TMEM132D: variants seen among roughly 807,000 people sequenced by gnomAD.
TMEM132D encodes the protein transmembrane protein 132D.
In TMEM132D, 21 loss-of-function variants were observed where a neutral mutation model predicts 62.3. The ratio of observed to expected loss-of-function variants is 0.34; its 90% CI spans 0.24 to 0.49. The LOEUF (loss-of-function observed/expected upper bound fraction) is 0.49, where lower values mean the gene tolerates loss of function less well. Among genes scored for constraint, TMEM132D ranks in the 20% least tolerant of loss-of-function variants. The pLI, the probability that TMEM132D is intolerant of heterozygous loss-of-function variation, is 0.99. For synonymous variants in TMEM132D, 621 were observed against 575.6 expected, an observed-to-expected ratio of 1.08 and a Z score of -1.13; for missense variants, 1,346 against 1,402.8, an observed-to-expected ratio of 0.96 and a Z score of 0.65.
chr12:129,185,761 A>ATCTGTCTGTCTGTCTGTCTGTCTG (rs11271238), intron 5 of TMEM132D, among the ~76,000 whole-genome samples: 69 of 140,890 alleles, frequency 4.9e-4, no homozygotes, highest in South Asian at 2.4e-3. Flanking sequence ...TTTATCCATC[A>ATCTGTCTGTCTGTCTGTCTGTCTG]TCTGTCTGTC....
intron 5 of TMEM132D, chr12:129,208,512 A>G (rs984519265): frequency 6.6e-6 from 1 of 152,188 alleles, no homozygotes; most frequent in African/African-American, 2.4e-5. Flanking sequence ...CCTAGCACTT[A>G]GTGGGGATTT....
chr12:129,544,097 C>G (rs1238750949), intron 2 of TMEM132D, among the ~76,000 whole-genome samples: 1 of 152,126 alleles, frequency 6.6e-6, no homozygotes, highest in Non-Finnish European at 1.5e-5. Flanking sequence ...CGTTTATATC[C>G]ACTGACAGTG....
rs1163907395 is a variant in TMEM132D at position 129,371,281 on chromosome 12, TGAC to T, written c.1116-33467_1116-33465del. ...ATGATGATGATGAAGGTGGTGTTGG[TGAC>T]GATGATGATGATGATGGAGATAATG... is the stretch of plus-strand genomic sequence containing the variant. On this transcript the variant is annotated intron_variant, in intron 3 of 8. Coordinates refer to ENST00000422113, the MANE Select transcript of TMEM132D (RefSeq NM_133448.3). The surrounding 1 kb of genome is among the most constrained non-coding windows in gnomAD (Gnocchi z 4.3). Among the ~76,000 whole-genome samples, 7 of 151,760 alleles carry T rather than the reference TGAC, an allele frequency of 4.6e-5. No homozygotes were observed. The highest frequency in any genetic ancestry group is 2.1e-4 in the South Asian group (1 of 4,772).
At chr12:129,167,670 CTG>C (rs1877605898) in intron 5 of TMEM132D, among the ~76,000 whole-genome samples, 1 of 152,022 alleles carries the variant, frequency 6.6e-6, no homozygotes, top group African/African-American at 2.4e-5. Context: ...CCTTCTGACA[CTG>C]TGGAATTGGC....
At chr12:129,483,283 T>C (rs1874483133) in intron 3 of TMEM132D, among the ~76,000 whole-genome samples, 1 of 152,202 alleles carries the variant, frequency 6.6e-6, no homozygotes, top group Non-Finnish European at 1.5e-5. Context: ...GGGCTTCCTA[T>C]TAGAAGCTTC....
At position 129,430,996 on chromosome 12, in the gene TMEM132D, TATCA is replaced by T. The variant is rs1872639967; in HGVS notation, c.1116-93183_1116-93180del. ...GGAGGGAATCTGCTCTATGATTAAA[TATCA>T]ATCACAGTCAGCTGAGGCCCATTGG... is the stretch of plus-strand genomic sequence containing the variant. On this transcript the variant is annotated intron_variant, in intron 3 of 8. Transcript: ENST00000422113. Among the ~76,000 whole-genome samples the T allele has an allele frequency of 2.0e-5, 3 of 152,288 alleles. No homozygotes were observed. In the South Asian group the frequency reaches 6.2e-4, roughly 32 times the overall value.
At chr12:129,085,267 G>A (rs769356941) in intron 5 of TMEM132D, 21 of 154,334 alleles carry the variant, frequency 1.4e-4, no homozygotes, top group African/African-American at 4.6e-4. Flanking sequence ...TGTATCCTGA[G>A]AACGTCCTCA....
chr12:129,076,556 T>C (rs541438163), intron 8 of TMEM132D, among the ~76,000 whole-genome samples: 12 of 152,216 alleles, frequency 7.9e-5, no homozygotes, highest in Admixed American at 4.6e-4. Context: ...GAAATACTTA[T>C]TCTGTTAGAC....
intron 3 of TMEM132D, among the ~76,000 whole-genome samples, chr12:129,346,043 A>T (rs1191403458): frequency 1.3e-5 from 2 of 152,142 alleles, no homozygotes; most frequent in African/African-American, 2.4e-5. Context: ...CTCTGGTAAA[A>T]TTCGGCTGTG....
chr12:129,644,850 G>A (rs1011668845), intron 2 of TMEM132D, among the ~76,000 whole-genome samples: 10 of 150,028 alleles, frequency 6.7e-5, no homozygotes, highest in African/African-American at 2.2e-4. Flanking sequence ...GCCCAGCGTC[G>A]TGGCGGGTGC....
At chr12:129,644,204 C>T (rs2137177391) in intron 2 of TMEM132D, among the ~76,000 whole-genome samples, 1 of 152,218 alleles carries the variant, frequency 6.6e-6, no homozygotes, top group Middle Eastern at 3.4e-3. Context: ...GCCCCAACCA[C>T]CTTGGGCATA....
chr12:129,243,270 T>C, intron 4 of TMEM132D, among the ~76,000 whole-genome samples: 1 of 152,230 alleles, frequency 6.6e-6, no homozygotes, highest in East Asian at 1.9e-4. Context: ...CGTTTCATTA[T>C]TCATTGTAGT....
chr12:129,451,922 C>A (rs752216530), intron 3 of TMEM132D, among the ~76,000 whole-genome samples: 3 of 152,170 alleles, frequency 2.0e-5, no homozygotes, highest in Admixed American at 6.5e-5. Context: ...ATTGCTACCT[C>A]TTACAGTGAG....
chr12:129,559,897 C>T (rs155711), intron 2 of TMEM132D, among the ~76,000 whole-genome samples: 43,245 of 152,056 alleles, frequency 0.28, 6,304 homozygotes, highest in East Asian at 0.39. Flanking sequence ...ATGGAGAAAA[C>T]CCCCTGGGAA....
intron 4 of TMEM132D, among the ~76,000 whole-genome samples, chr12:129,232,230 C>T (rs1879662119): frequency 6.6e-6 from 1 of 152,138 alleles, no homozygotes; most frequent in Admixed American, 6.5e-5. Context: ...AAAATGGTCA[C>T]CTTCCTTAGT....
At chr12:129,786,342 G>A (rs12822874) in intron 1 of TMEM132D, among the ~76,000 whole-genome samples, 17,025 of 152,088 alleles carry the variant, frequency 0.11, 1,217 homozygotes, top group East Asian at 0.2. Context: ...TTGAGCTTCC[G>A]CAGCAGTGAC....
intron 1 of TMEM132D, among the ~76,000 whole-genome samples, chr12:129,854,054 C>T (rs1175727940): frequency 2.0e-5 from 3 of 152,096 alleles, no homozygotes; most frequent in East Asian, 1.9e-4. Context: ...TAACTCGAGG[C>T]GGGGATACTA....
At chr12:129,676,680 C>T (rs190887500) in intron 2 of TMEM132D, among the ~76,000 whole-genome samples, 11 of 152,256 alleles carry the variant, frequency 7.2e-5, no homozygotes, top group Admixed American at 7.2e-4. Context: ...AGGATCTAAC[C>T]CCATGACTGA....
intron 4 of TMEM132D, among the ~76,000 whole-genome samples, chr12:129,280,120 A>G (rs979674019): frequency 6.6e-6 from 1 of 152,230 alleles, no homozygotes; most frequent in Admixed American, 6.5e-5. Flanking sequence ...GGGAAACTAT[A>G]GTATTTAATG....
Sources: allele counts gnomAD v4.1 joint callset (sites outside exome capture counted in the v4.1 genomes callset), GRCh38; gene constraint gnomAD v4.1.1; non-coding constraint Gnocchi (gnomAD v3.1); transcripts MANE v1.5; gene names NCBI Gene and HGNC (gene_info 2026-07-23, HGNC 2026-07-21).